Variants in MAGEB6 observed in about 807,000 individuals in gnomAD.
The protein encoded by MAGEB6 is melanoma-associated antigen B6.
For synonymous variants in MAGEB6, 128 were observed against 136.2 expected (o/e 0.94, Z 0.42); for missense variants, 327 against 329.7 (o/e 0.99, Z 0.06).
rs762131956 is a variant in MAGEB6 at position 26,194,612 on chromosome X, G to T, written c.766G>T (p.Asp256Tyr). Reference sequence around the variant, plus strand: ...CTTTGGCGTTGAATTGAAAGAAATGGATTCCAGCGGCGAGTCCTACACCCT... The same window carrying T: ...CTTTGGCGTTGAATTGAAAGAAATGTATTCCAGCGGCGAGTCCTACACCCT... ...VAFGVELKEM[D>Y]SSGESYTLVS... is the part of the protein sequence containing the mutation. The change falls in exon 2 of 2, where the codon GAT (aspartate) becomes TAT (tyrosine). Residue 256 changes from aspartate (D) to tyrosine (Y), a missense_variant. Transcript: ENST00000379034. 8.3e-7 allele frequency: 1 copy of T among 1,210,465 alleles called. No individual in the cohort carries two copies. The highest frequency in any genetic ancestry group is 1.1e-6 in the Non-Finnish European group (1 of 895,184).
At chrX:26,192,863 C>T (rs771454824) in intron 1 of MAGEB6, among the ~76,000 whole-genome samples, 3 of 111,472 alleles carry the variant, frequency 2.7e-5, no homozygotes, top group South Asian at 3.8e-4. Context: ...CCTGGGGGTC[C>T]GGGCAGGTCT....
chrX:26,194,277 T>C lies in MAGEB6; in HGVS notation c.431T>C (p.Val144Ala). 1 of 1,209,713 alleles carries C rather than the reference T, an allele frequency of 8.3e-7. No homozygotes were observed. The change falls in exon 2 of 2, where the codon GTT becomes GCT. Residue 144 changes from valine to alanine, a missense_variant. Coordinates refer to ENST00000379034, the MANE Select transcript of MAGEB6 (RefSeq NM_173523.2). ...CCAAGCACTTCCCATGATGTCTCCG[T>C]TCCTCAGGAGTCTCAGGGAGCTTCA... is the stretch of plus-strand genomic sequence containing the variant. ...KSPSTSHDVSVPQESQGASPT... is the reference protein window; with the variant it reads ...KSPSTSHDVSAPQESQGASPT...
intron 1 of MAGEB6, among the ~76,000 whole-genome samples, chrX:26,193,055 C>T (rs941653312): frequency 1.2e-4 from 13 of 110,790 alleles, no homozygotes; most frequent in African/African-American, 1.6e-4. Context: ...TCAAATGCCT[C>T]CGCTGTTGTC....
At position 26,193,904 on chromosome X, in the gene MAGEB6, G is replaced by A. The variant is rs199633839; in HGVS notation, c.58G>A (p.Gly20Ser). ...CTGTGAGAAACGCCAAGAGACCAATGGTCAGCCACAGGGTCTCACGGGTCC... is the reference window on the plus strand; with the variant it reads ...CTGTGAGAAACGCCAAGAGACCAATAGTCAGCCACAGGGTCTCACGGGTCC... ...RTCEKRQETN[G>S]QPQGLTGPQA... The change falls in exon 2 of 2, where the codon GGT becomes AGT. Residue 20 changes from glycine (G) to serine (S), a missense_variant. Transcript: ENST00000379034. 111 of 1,194,453 alleles carry A rather than the reference G, an allele frequency of 9.3e-5. No homozygotes were observed. Among genetic ancestry groups the A allele is most frequent in the East Asian group, 3.9e-4 (13 of 33,549 alleles).
Sources: allele counts gnomAD v4.1 joint callset (sites outside exome capture counted in the v4.1 genomes callset), GRCh38; gene constraint gnomAD v4.1.1; transcripts MANE v1.5; gene names NCBI Gene and HGNC (gene_info 2026-07-23, HGNC 2026-07-21).